FKBP10: variants seen among roughly 807,000 people sequenced by gnomAD.
FKBP10 encodes peptidyl-prolyl cis-trans isomerase FKBP10.
A neutral mutation model predicts 53.7 loss-of-function variants in FKBP10; 34 were observed. The observed-to-expected ratio is 0.63, with a 90% CI of 0.48 to 0.84. The LOEUF is 0.84. Ranked by LOEUF, FKBP10 falls within the 40% of genes least tolerant of loss-of-function variation. The pLI is 0.00. For synonymous variants in FKBP10, 324 were observed against 335.7 expected (o/e 0.97, Z 0.38); for missense variants, 748 against 797.8 (o/e 0.94, Z 0.75).
At position 41,818,092 on chromosome 17, in the gene FKBP10, G is replaced by C. The variant is rs782450296; in HGVS notation, c.395G>C (p.Gly132Ala). ...HLGYGSIGLA[G>A]LIPPDATLYF... ...CCACGCTGCTGCGCTCTCACAGCGG[G>C]GCTCATTCCACCGGATGCCACCCTC... The change falls in exon 3 of 10, where the codon GGG becomes GCG. Residue 132 changes from glycine (G) to alanine (A), a missense_variant. Physicochemically the swap from Gly to Ala is moderately conservative, Grantham distance 60 (BLOSUM62 0). Transcript: ENST00000321562. 6.2e-7 allele frequency: 1 copy of C among 1,607,722 alleles called. No individual in the cohort carries two copies. The highest frequency in any genetic ancestry group is 1.1e-5 in the South Asian group (1 of 90,148).
At position 41,822,618 on chromosome 17, in the gene FKBP10, C is replaced by G; in HGVS notation, c.*210C>G. 3.2e-6 allele frequency: 2 copies of G among 628,016 alleles called. No individual in the cohort carries two copies. Among genetic ancestry groups the G allele is most frequent in the Non-Finnish European group, 5.5e-6 (2 of 360,488 alleles). 38.9% of individuals were successfully genotyped at this position (628,016 alleles called of 1,614,324 possible). A position where few individuals can be genotyped will look rare whatever the true frequency, so the allele number is the denominator to read the frequency against. The stretch of plus-strand genomic sequence containing the variant: ...ACCTCTACCGTGTTTCTCTTCCATC[C>G]CTAAACCACTTCCTTAAAATGTTTG... On this transcript the variant is annotated 3_prime_UTR_variant, in exon 10 of 10. Coordinates refer to ENST00000321562, the MANE Select transcript of FKBP10 (RefSeq NM_021939.4).
rs1555616670 is a variant in FKBP10 at position 41,819,603 on chromosome 17, C to T, written c.991C>T (p.Gln331Ter). The T allele has an allele frequency of 2.5e-6, 4 of 1,613,756 alleles. No homozygotes were observed. Among genetic ancestry groups the T allele is most frequent in the Non-Finnish European group, 3.4e-6 (4 of 1,179,938 alleles). ...CATCCCCGGGATGGACCAGGGGCTG[C>T]AGGGTGCCTGCATGGGGGAACGCCG... Reference protein sequence around the residue: ...YIIPGMDQGLQGACMGERRRI... With the variant: ...YIIPGMDQGL Residue 331 changes from glutamine (Q) to a stop codon, truncating the protein, a stop_gained, in exon 6 of 10, where the codon CAG (glutamine) becomes TAG (stop). Transcript: ENST00000321562. LOFTEE classifies it high-confidence loss of function.
At chr17:41,816,896 G>A (rs1555616138) in intron 1 of FKBP10, among the ~76,000 whole-genome samples, 162 bp from the exon 2 acceptor site, 1 of 152,192 alleles carries the variant, frequency 6.6e-6, no homozygotes, top group South Asian at 2.1e-4. Flanking sequence ...ACCTAGGAGG[G>A]GGACTTGAAA....
Position 41,818,294 on chromosome 17 carries a change from G to A in FKBP10, c.581+16G>A, listed in dbSNP as rs782288858. The A allele has an allele frequency of 4.3e-6, 7 of 1,613,864 alleles. No homozygotes were observed. The highest frequency in any genetic ancestry group is 1.7e-5 in the Admixed American group (1 of 59,998). ...TCGACACCAGGTGAGGGGCTGGAGG[G>A]GAGCCCTGAGGCACTGGGGACTGTG... On this transcript the variant is annotated intron_variant, in intron 3 of 9. Transcript: ENST00000321562.
chr17:41,820,103 C>G (rs1212369642), intron 6 of FKBP10, 166 bp from the exon 7 acceptor site: 1 of 1,209,886 alleles, frequency 8.3e-7, no homozygotes, highest in Admixed American at 2.3e-5. Context: ...GCCCCCTGCC[C>G]CAGTGAAAGT....
intron 1 of FKBP10, among the ~76,000 whole-genome samples, chr17:41,815,787 T>A (rs1433820777): frequency 3.4e-5 from 5 of 147,504 alleles, no homozygotes; most frequent in Non-Finnish European, 3.0e-5. Context: ...CCCCTTCAAT[T>A]AAAAAAAAAA....
chr17:41,820,808 C>A, intron 7 of FKBP10, 139 bp from the exon 8 acceptor site: 1 of 1,215,408 alleles, frequency 8.2e-7, no homozygotes, highest in Non-Finnish European at 1.1e-6. Flanking sequence ...TGGGCCCCTG[C>A]ACTCTGCTGC....
In FKBP10 at chr17:41,818,474, A is replaced by G; in HGVS notation, c.674A>G (p.Glu225Gly). 1 of 1,614,190 alleles carries G rather than the reference A, an allele frequency of 6.2e-7. No homozygotes were observed. The highest frequency in any genetic ancestry group is 8.5e-7 in the Non-Finnish European group (1 of 1,180,036). The change falls in exon 4 of 10, where the codon GAG (glutamate) becomes GGG (glycine). Residue 225 changes from glutamate (E) to glycine (G), a missense_variant. Glu to Gly is a moderately conservative substitution (Grantham distance 98). Transcript: ENST00000321562. ...GGGCTGCTGGGCATGTGTCCTGGAGAGAGAAGGAAGATTATCATCCCTCCA... is the reference window on the plus strand; with the variant it reads ...GGGCTGCTGGGCATGTGTCCTGGAGGGAGAAGGAAGATTATCATCCCTCCA... ...DQGLLGMCPGERRKIIIPPFL... is the reference protein window; with the variant it reads ...DQGLLGMCPGGRRKIIIPPFL...
At chr17:41,820,164 CTCAGGGTCGGGAAGGGGTA>C in intron 6 of FKBP10, 86 bp from the exon 7 acceptor site, 1 of 1,366,754 alleles carries the variant, frequency 7.3e-7, no homozygotes, top group Non-Finnish European at 1.0e-6. Flanking sequence ...CCTTTGGATC[CTCAGGGTCGGGAAGGGGTA>C]TCAGGTCTGG....
intron 6 of FKBP10, 37 bp downstream of exon 6, chr17:41,819,712 T>A (rs782487788): frequency 5.1e-6 from 8 of 1,577,300 alleles, no homozygotes; most frequent in Non-Finnish European, 6.9e-6. Context: ...CAGCTCCTCC[T>A]CCGAACTGCC....
Position 41,818,384 on chromosome 17 carries a change from A to C in FKBP10, c.584A>C (p.Tyr195Ser). The change falls in exon 4 of 10, where the codon TAC becomes TCC. Residue 195 changes from tyrosine to serine, a missense_variant and splice_region_variant. Transcript: ENST00000321562. ...LLDGTSFDTS[Y>S]SKGGTYDTYV... ...CACCTCCACCTCATTTTCTGCAGCT[A>C]CAGTAAGGGCGGCACTTATGACACC... 1 of 1,614,128 alleles carries C rather than the reference A, an allele frequency of 6.2e-7. No individual in the cohort carries two copies. The highest frequency in any genetic ancestry group is 8.5e-7 in the Non-Finnish European group (1 of 1,180,016).
Position 41,819,227 on chromosome 17 carries a change from C to T in FKBP10, c.745C>T (p.Gln249Ter), listed in dbSNP as rs781926747. Residue 249 changes from glutamine to a stop codon, truncating the protein, a stop_gained, in exon 5 of 10, where the codon CAG becomes TAG. Transcript: ENST00000321562. LOFTEE classifies it high-confidence loss of function. ...EKGYGTVIPP[Q>*]ASLVFHVLLI... ...TTCCCCAGGGACAGTGATCCCCCCA[C>T]AGGCCTCGCTGGTCTTTCACGTCCT... The T allele has an allele frequency of 6.2e-7, 1 of 1,614,188 alleles. No individual in the cohort carries two copies. The highest frequency in any genetic ancestry group is 2.2e-5 in the East Asian group (1 of 44,870).
chr17:41,814,576 C>T (rs2047791914), intron 1 of FKBP10, among the ~76,000 whole-genome samples: 1 of 152,224 alleles, frequency 6.6e-6, no homozygotes, highest in Non-Finnish European at 1.5e-5. Context: ...GGAAACAGTC[C>T]AGACTTAAAA....
At position 41,821,111 on chromosome 17, in the gene FKBP10, CTTTTTTTT is replaced by C. The variant is rs10522999; in HGVS notation, c.1399+44_1399+51del. ...GGAGGTGAGGGGCTGAGACCATAAT[CTTTTTTTT>C]TTTTTTTTTTTTTTTTTTTTTGAGA... On this transcript the variant is annotated intron_variant, in intron 8 of 9. Transcript: ENST00000321562. The C allele has an allele frequency of 2.1e-3, 1,133 of 549,822 alleles. 3 individuals carry two copies. The African/African-American group carries it at 0.023, about 11-fold the overall frequency. 34.1% of individuals were successfully genotyped at this position (549,822 alleles called of 1,614,324 possible). A position where few individuals can be genotyped will look rare whatever the true frequency, so the allele number is the denominator to read the frequency against.
At position 41,817,052 on chromosome 17, in the gene FKBP10, C is replaced by G. The variant is rs1181262252; in HGVS notation, c.246-6C>G. The G allele has an allele frequency of 1.9e-6, 3 of 1,613,926 alleles. No individual in the cohort carries two copies. Among genetic ancestry groups the G allele is most frequent in the East Asian group, 2.2e-5 (1 of 44,898 alleles). On this transcript the variant is annotated splice_region_variant and splice_polypyrimidine_tract_variant and intron_variant, in intron 1 of 9. Coordinates refer to ENST00000321562, the MANE Select transcript of FKBP10 (RefSeq NM_021939.4). Reference sequence around the variant, plus strand: ...CACTGTATCCCATCTGTCCCTCCCCCCCCAGCTATGATCGCAACACCTTGG... The same window carrying G: ...CACTGTATCCCATCTGTCCCTCCCCGCCCAGCTATGATCGCAACACCTTGG...
rs112765094 is a variant in FKBP10 at position 41,814,021 on chromosome 17, G to A, written c.245+742G>A. On this transcript the variant is annotated intron_variant, in intron 1 of 9. Coordinates refer to ENST00000321562, the MANE Select transcript of FKBP10 (RefSeq NM_021939.4). ...TTGCCAGCCTTGGGGTTTGTAAGGT[G>A]GCCTCCTGGTCTGACCCAGGCCTTT... Among the ~76,000 whole-genome samples the A allele has an allele frequency of 9.7e-3, 1,478 of 152,268 alleles. 12 individuals are homozygous for A. Among genetic ancestry groups the A allele is most frequent in the Non-Finnish European group, 0.015 (1,049 of 68,026 alleles).
chr17:41,814,030 G>A (rs989388758), intron 1 of FKBP10, among the ~76,000 whole-genome samples: 1 of 152,150 alleles, frequency 6.6e-6, no homozygotes, highest in Non-Finnish European at 1.5e-5. Flanking sequence ...TGGCCTCCTG[G>A]TCTGACCCAG....
chr17:41,819,966 G>A, intron 6 of FKBP10: 1 of 1,529,370 alleles, frequency 6.5e-7, no homozygotes, highest in East Asian at 2.5e-5. Context: ...GGACCCAGCT[G>A]TGCTGGGAGC....
At chr17:41,816,830 C>T (rs1304694868) in intron 1 of FKBP10, among the ~76,000 whole-genome samples, 1 of 152,236 alleles carries the variant, frequency 6.6e-6, no homozygotes, top group African/African-American at 2.4e-5. Context: ...CCCTTGTCCT[C>T]CTCAGGGACT....
Sources: allele counts gnomAD v4.1 joint callset (sites outside exome capture counted in the v4.1 genomes callset), GRCh38; gene constraint gnomAD v4.1.1; transcripts MANE v1.5; gene names NCBI Gene and HGNC (gene_info 2026-07-23, HGNC 2026-07-21).